CNTN5: variants seen among roughly 807,000 people sequenced by gnomAD.
CNTN5 encodes contactin-5.
In CNTN5, 77 loss-of-function variants were observed where a neutral mutation model predicts 129.1. That is an observed-to-expected ratio of 0.60 (90% CI 0.50 to 0.72). The LOEUF is 0.72. CNTN5 is among the 30% of genes least tolerant of loss of function. The pLI, the probability that CNTN5 is intolerant of heterozygous loss-of-function variation, is 0.00. For missense variants in CNTN5, 1,478 were observed against 1,328.8 expected (o/e 1.11, Z -1.75); for synonymous variants, 509 against 465.6 (o/e 1.09, Z -1.20).
intron 10 of CNTN5, among the ~76,000 whole-genome samples, chr11:100,066,099 G>A (rs1469241299): frequency 6.6e-6 from 1 of 152,020 alleles, no homozygotes; most frequent in African/African-American, 2.4e-5. Flanking sequence ...AAACACATGG[G>A]CAATGGATTG....
In CNTN5 at chr11:99,576,789, C is replaced by A. The variant is rs117602639; in HGVS notation, c.55+20520C>A. Among the ~76,000 whole-genome samples the A allele has an allele frequency of 1.4e-3, 207 of 152,224 alleles. 4 individuals carry two copies. The East Asian group carries it at 0.02, about 15-fold the overall frequency. On this transcript the variant is annotated intron_variant, in intron 3 of 24. Transcript: ENST00000524871. ...TACCCTCATCACTTGTTGGAAGGAG[C>A]AGGGCAGCTCTCTGGGGCCTCTTTT...
intron 1 of CNTN5, among the ~76,000 whole-genome samples, chr11:99,049,338 T>C (rs1451524287): frequency 6.6e-6 from 1 of 152,130 alleles, no homozygotes; most frequent in African/African-American, 2.4e-5. Flanking sequence ...ATATACAAAT[T>C]TCAGATTTTC....
chr11:99,814,504 T>C (rs996619594), intron 3 of CNTN5, among the ~76,000 whole-genome samples: 1 of 152,156 alleles, frequency 6.6e-6, no homozygotes, highest in Non-Finnish European at 1.5e-5. Context: ...TCTTTCAGCA[T>C]GATACTGTAT....
chr11:99,635,600 A>G (rs1402936319), intron 3 of CNTN5, among the ~76,000 whole-genome samples: 7 of 151,980 alleles, frequency 4.6e-5, no homozygotes. Context: ...TCTGCAGGGA[A>G]TTTGAATCCC....
intron 2 of CNTN5, among the ~76,000 whole-genome samples, chr11:99,368,668 A>G (rs1939617019): frequency 6.6e-6 from 1 of 152,180 alleles, no homozygotes; most frequent in African/African-American, 2.4e-5. Context: ...TACAGCATAC[A>G]TACTTCCTGT....
intron 3 of CNTN5, among the ~76,000 whole-genome samples, chr11:99,680,676 T>G (rs1953510682): frequency 6.6e-6 from 1 of 151,858 alleles, no homozygotes; most frequent in Admixed American, 6.6e-5. Flanking sequence ...ATCTTGAATG[T>G]TCTTAATGGC....
intron 1 of CNTN5, among the ~76,000 whole-genome samples, chr11:99,223,678 C>T (rs550525666): frequency 2.9e-4 from 44 of 152,202 alleles, no homozygotes; most frequent in Admixed American, 8.5e-4. Context: ...CATAGAAGTC[C>T]CCATTATTCC....
intron 1 of CNTN5, among the ~76,000 whole-genome samples, chr11:99,082,941 T>C (rs1483710690): frequency 4.6e-5 from 7 of 152,088 alleles, no homozygotes; most frequent in Admixed American, 3.3e-4. Flanking sequence ...TCACAGTGGT[T>C]AATTCTAGAT....
At chr11:100,205,849 T>C (rs1948901292) in intron 15 of CNTN5, among the ~76,000 whole-genome samples, 1 of 152,110 alleles carries the variant, frequency 6.6e-6, no homozygotes, top group Admixed American at 6.6e-5. Context: ...TGCATTGTGC[T>C]ATGCTGTCCT....
chr11:99,204,976 A>C (rs1859402469), intron 1 of CNTN5, among the ~76,000 whole-genome samples: 1 of 152,188 alleles, frequency 6.6e-6, no homozygotes. Flanking sequence ...TTCTATTAAA[A>C]AGTGCTCATC....
chr11:100,173,088 A>G (rs1044676276), intron 13 of CNTN5, among the ~76,000 whole-genome samples: 3 of 152,060 alleles, frequency 2.0e-5, no homozygotes, highest in Non-Finnish European at 2.9e-5. Context: ...GGCACCCAGT[A>G]TACTGAAGAA....
chr11:100,179,730 TGA>T (rs1948079680), intron 13 of CNTN5, among the ~76,000 whole-genome samples: 1 of 152,072 alleles, frequency 6.6e-6, no homozygotes, highest in Non-Finnish European at 1.5e-5. Flanking sequence ...ATAACCATAT[TGA>T]ACTAAAAATA....
At chr11:100,064,576 C>T (rs567240706) in intron 10 of CNTN5, among the ~76,000 whole-genome samples, 1 of 151,926 alleles carries the variant, frequency 6.6e-6, no homozygotes, top group East Asian at 1.9e-4. Context: ...TAATTTGAAC[C>T]TTAGCATAAA....
At chr11:99,310,874 G>T (rs993823318) in intron 1 of CNTN5, among the ~76,000 whole-genome samples, 1 of 152,100 alleles carries the variant, frequency 6.6e-6, no homozygotes, top group Non-Finnish European at 1.5e-5. Context: ...TGTCTATTAA[G>T]ATGAGCATAT....
At chr11:99,755,265 T>C (rs1416976602) in intron 3 of CNTN5, among the ~76,000 whole-genome samples, 9 of 152,210 alleles carry the variant, frequency 5.9e-5, no homozygotes, top group Non-Finnish European at 1.3e-4. Context: ...TTGAATTGTA[T>C]GGTAAGAGTA....
chr11:99,365,647 A>C (rs1340348486), intron 2 of CNTN5, among the ~76,000 whole-genome samples: 1 of 152,192 alleles, frequency 6.6e-6, no homozygotes, highest in Non-Finnish European at 1.5e-5. Flanking sequence ...GTATGTTTCT[A>C]TATAAACAAG....
chr11:99,870,038 T>A (rs891380525), intron 6 of CNTN5, among the ~76,000 whole-genome samples: 1 of 152,252 alleles, frequency 6.6e-6, no homozygotes. Context: ...CTCTCAGTGG[T>A]AGGCACACTA....
chr11:100,062,887 AC>A, intron 10 of CNTN5, among the ~76,000 whole-genome samples: 1 of 152,118 alleles, frequency 6.6e-6, no homozygotes, highest in Non-Finnish European at 1.5e-5. Context: ...TTTTTTCTGT[AC>A]CCCAGTGGAG....
chr11:99,393,029 A>G (rs2136191902), intron 2 of CNTN5, among the ~76,000 whole-genome samples: 1 of 152,012 alleles, frequency 6.6e-6, no homozygotes, highest in South Asian at 2.1e-4. Context: ...ATAGAATATG[A>G]CATCTAATTT....
Sources: allele counts gnomAD v4.1 joint callset (sites outside exome capture counted in the v4.1 genomes callset), GRCh38; gene constraint gnomAD v4.1.1; transcripts MANE v1.5; gene names NCBI Gene and HGNC (gene_info 2026-07-23, HGNC 2026-07-21).